The following INTS1 variants were observed in gnomAD, a reference collection of about 807,000 sequenced individuals.
INTS1 encodes the protein integrator complex subunit 1.
A neutral mutation model predicts 241.6 loss-of-function variants in INTS1; 137 were observed. The ratio of observed to expected loss-of-function variants is 0.57; its 90% CI spans 0.49 to 0.65. The LOEUF (loss-of-function observed/expected upper bound fraction) is 0.65. INTS1 is among the 30% of genes least tolerant of loss of function. INTS1 has a pLI of 0.00. For synonymous variants in INTS1, 1,692 were observed against 1,337.8 expected, an observed-to-expected ratio of 1.26 and a Z score of -5.78; for missense variants, 3,073 against 3,032.2, an observed-to-expected ratio of 1.01 and a Z score of -0.32.
At chr7:1,488,069 C>T in intron 18 of INTS1, 112 bp from the exon 19 acceptor site, 11 of 1,137,346 alleles carry the variant, frequency 9.7e-6, no homozygotes, top group Non-Finnish European at 1.4e-5. Flanking sequence ...GCTGCCTCTG[C>T]TGCACAGCAG....
rs1050653415 is a variant in INTS1 at position 1,487,402 on chromosome 7, C to T, written c.2564G>A (p.Ser855Asn). ...PPPHILDQVK[S>N]LNQSLRLGHL... The stretch of plus-strand genomic sequence containing the variant: ...CCCGAGGCGGAGGGACTGGTTGAGG[C>T]TTTTCACTTGATCCAGGATGTGAGG... The change falls in exon 20 of 48, where the codon AGC becomes AAC. Residue 855 changes from serine to asparagine, a missense_variant. By Grantham distance (46) the Ser-to-Asn change is conservative. Coordinates refer to ENST00000404767, the MANE Select transcript of INTS1 (RefSeq NM_001080453.3). 2.5e-6 allele frequency: 4 copies of T among 1,612,000 alleles called. No individual in the cohort carries two copies. Among genetic ancestry groups the T allele is most frequent in the East Asian group, 2.2e-5 (1 of 44,876 alleles).
At chr7:1,502,880 G>A in intron 3 of INTS1, 21 bp downstream of exon 3, 1 of 1,612,964 alleles carries the variant, frequency 6.2e-7, no homozygotes, top group Non-Finnish European at 8.5e-7. Flanking sequence ...TGTTCTCGGG[G>A]GATGTCCACA....
intron 27 of INTS1, 114 bp downstream of exon 27, chr7:1,482,432 C>T (rs1463742134): frequency 1.1e-5 from 12 of 1,045,950 alleles, no homozygotes; most frequent in South Asian, 6.6e-5. Context: ...TGAGGCTACC[C>T]GGCCAGTCTT....
In INTS1 at chr7:1,496,158, CTCT is replaced by C. The variant is rs1562516366; in HGVS notation, c.1706_1708del (p.Lys569del). Reference sequence around the variant, plus strand: ...CCAGGCCACCCCCACATCCTTACTCCTCTTTTCTCCTTTGTCCCAGGCGATGCC... The same window carrying C: ...CCAGGCCACCCCCACATCCTTACTCCTTTCTCCTTTGTCCCAGGCGATGCC... On this transcript the variant is annotated inframe_deletion, in exon 12 of 48. Transcript: ENST00000404767. 2 of 1,613,472 alleles carry C rather than the reference CTCT, an allele frequency of 1.2e-6. No individual in the cohort carries two copies. The highest frequency in any genetic ancestry group is 1.7e-6 in the Non-Finnish European group (2 of 1,179,452).
Position 1,499,898 on chromosome 7 carries a change from C to T in INTS1, c.670G>A (p.Glu224Lys). 1 of 1,612,746 alleles carries T rather than the reference C, an allele frequency of 6.2e-7. No homozygotes were observed. Among genetic ancestry groups the T allele is most frequent in the Non-Finnish European group, 8.5e-7 (1 of 1,179,204 alleles). The change falls in exon 5 of 48, where the codon GAG (glutamate) becomes AAG (lysine). Residue 224 changes from glutamate to lysine, a missense_variant. Physicochemically the swap from Glu to Lys is moderately conservative, Grantham distance 56. Coordinates refer to ENST00000404767, the MANE Select transcript of INTS1 (RefSeq NM_001080453.3). Reference protein sequence around the residue: ...AAYEEDENWPEIFVKVYIEDS... With the variant: ...AAYEEDENWPKIFVKVYIEDS... ...AGGACGCTCACCTTGACAAAGATCT[C>T]GGGCCAGTTCTCGTCCTCCTCGTAG...
Position 1,474,314 on chromosome 7 carries a change from T to C in INTS1, c.5683A>G (p.Asn1895Asp). Residue 1895 changes from asparagine (N) to aspartate (D), a missense_variant, in exon 41 of 48, where the codon AAC becomes GAC. Transcript: ENST00000404767. The stretch of plus-strand genomic sequence containing the variant: ...TTCTGCTGCCGGAACTCCTGGAAGT[T>C]GAGGTGGGTGCGGCCGTGCAGGAGC... ...AALLHGRTHL[N>D]FQEFRQQNHL... 6.2e-7 allele frequency: 1 copy of C among 1,607,748 alleles called. No homozygotes were observed.
chr7:1,485,808 T>C (rs1429237450), intron 22 of INTS1, among the ~76,000 whole-genome samples: 1 of 152,156 alleles, frequency 6.6e-6, no homozygotes, highest in African/African-American at 2.4e-5. Context: ...ACTCATTTGA[T>C]TTTTACTTTT....
rs1482097454 is a variant in INTS1, at chr7:1,500,283, C to T, written c.433G>A (p.Ala145Thr). ...DDRIEGVLCGAVKQLKVTRAK... is the reference protein window; with the variant it reads ...DDRIEGVLCGTVKQLKVTRAK... ...CGGGTGACCTTCAGCTGCTTCACGG[C>T]CCCGCACAGCACGCCCTCGATCCTG... Residue 145 changes from alanine (A) to threonine (T), a missense_variant, in exon 4 of 48, where the codon GCC becomes ACC. By Grantham distance (58) the Ala-to-Thr change is moderately conservative. Coordinates refer to ENST00000404767, the MANE Select transcript of INTS1 (RefSeq NM_001080453.3). 6.3e-7 allele frequency: 1 copy of T among 1,597,026 alleles called. No homozygotes were observed. The highest frequency in any genetic ancestry group is 8.5e-7 in the Non-Finnish European group (1 of 1,171,342).
chr7:1,499,340 G>C lies in INTS1; in HGVS notation c.865C>G (p.Leu289Val). Residue 289 changes from leucine (L) to valine (V), a missense_variant, in exon 7 of 48, where the codon CTC becomes GTC. By Grantham distance (32) the Leu-to-Val change is conservative (BLOSUM62 1). Transcript: ENST00000404767. ...GTCTGGCTGTCCTCCTCCTCCGTGA[G>C]GGAGGGGTGTGGGCTGCTCCCTGCA... ...LGAGSSPHPSLTEEEDSQTEL... is the reference protein window; with the variant it reads ...LGAGSSPHPSVTEEEDSQTEL... The C allele has an allele frequency of 6.3e-7, 1 of 1,596,178 alleles. No homozygotes were observed. Among genetic ancestry groups the C allele is most frequent in the Non-Finnish European group, 8.5e-7 (1 of 1,171,020 alleles).
In INTS1 at chr7:1,481,207, G is replaced by T; in HGVS notation, c.3850+135C>A. 1 of 1,021,326 alleles carries T rather than the reference G, an allele frequency of 9.8e-7. No homozygotes were observed. Among genetic ancestry groups the T allele is most frequent in the Non-Finnish European group, 1.5e-6 (1 of 675,180 alleles). 63.3% of individuals were successfully genotyped at this position (1,021,326 alleles called of 1,614,324 possible). On this transcript the variant is annotated intron_variant, in intron 28 of 47. Coordinates refer to ENST00000404767, the MANE Select transcript of INTS1 (RefSeq NM_001080453.3). The surrounding 1 kb of genome is among the most constrained non-coding windows in gnomAD (Gnocchi z 6.8). Reference sequence around the variant, plus strand: ...CAGCCTCACCAACCCACAGGTCTAAGCCTGCCCTCGAGTGCCACCCACACC... The same window carrying T: ...CAGCCTCACCAACCCACAGGTCTAATCCTGCCCTCGAGTGCCACCCACACC...
intron 18 of INTS1, 62 bp from the exon 19 acceptor site, chr7:1,488,019 CACG>C: frequency 1.9e-6 from 3 of 1,561,482 alleles, no homozygotes; most frequent in Non-Finnish European, 2.6e-6. Flanking sequence ...CCCAGTGGGC[CACG>C]CTCAGGGTCA....
chr7:1,479,668 G>C lies in INTS1; in HGVS notation c.4091C>G (p.Pro1364Arg). The C allele has an allele frequency of 1.4e-6, 2 of 1,471,460 alleles. No individual in the cohort carries two copies. Among genetic ancestry groups the C allele is most frequent in the East Asian group, 2.5e-5 (1 of 39,552 alleles). The allele number at this position is 1,471,460 out of a possible 1,614,324, so 91.2% of individuals were successfully genotyped here. ...GMFLQIFPLS[P>R]DPRWQSSSPR... ...ACTGGAGCTCTGCCACCGAGGGTCC[G>C]GGCTGAGCGGGAAAATCTGGAACGG... The change falls in exon 31 of 48, where the codon CCG (proline) becomes CGG (arginine). Residue 1364 changes from proline to arginine, a missense_variant. By Grantham distance (103) the Pro-to-Arg change is moderately radical. Coordinates refer to ENST00000404767, the MANE Select transcript of INTS1 (RefSeq NM_001080453.3).
chr7:1,488,031 CA>C, intron 18 of INTS1, 74 bp from the exon 19 acceptor site: 1 of 1,510,252 alleles, frequency 6.6e-7, no homozygotes, highest in Non-Finnish European at 9.2e-7. Context: ...CGCTCAGGGT[CA>C]AGGAGGGTAA....
intron 41 of INTS1, 27 bp downstream of exon 41, chr7:1,474,141 G>A (rs368798296): frequency 1.1e-4 from 168 of 1,537,706 alleles, no homozygotes; most frequent in Admixed American, 2.0e-4. Flanking sequence ...GGAAGGGAGC[G>A]CGAGGGCGGG....
chr7:1,493,013 G>A lies in INTS1; in HGVS notation c.2162C>T (p.Pro721Leu), dbSNP rs745998142. Residue 721 changes from proline (P) to leucine (L), a missense_variant, in exon 16 of 48, where the codon CCG (proline) becomes CTG (leucine). Transcript: ENST00000404767. The surrounding 1 kb of genome is among the most constrained non-coding windows in gnomAD (Gnocchi z 5.3). ...GGGGAGCGGGGCGTGGGCTTACCCC[G>A]GTGGGAGCTGGATGTTTTCAGGGTG... is the stretch of plus-strand genomic sequence containing the variant. ...YHHPENIQLP[P>L]GYQPPNLAIS... 3.6e-5 allele frequency: 58 copies of A among 1,611,948 alleles called. No individual in the cohort carries two copies. Among genetic ancestry groups the A allele is most frequent in the Middle Eastern group, 1.7e-4 (1 of 6,056 alleles).
intron 3 of INTS1, chr7:1,500,975 A>C (rs1179323258): frequency 6.6e-6 from 1 of 152,200 alleles, no homozygotes; most frequent in Non-Finnish European, 1.5e-5. Flanking sequence ...ACAGTTTTTT[A>C]GGACTGTGTT....
At chr7:1,490,388 C>A (rs1562508393) in intron 16 of INTS1, among the ~76,000 whole-genome samples, 1 of 152,100 alleles carries the variant, frequency 6.6e-6, no homozygotes, top group African/African-American at 2.4e-5. Flanking sequence ...AAGGGACACC[C>A]CTGAAAGGGT....
chr7:1,475,322 C>T (rs1781661056), intron 39 of INTS1, among the ~76,000 whole-genome samples: 1 of 152,094 alleles, frequency 6.6e-6, no homozygotes, highest in South Asian at 2.1e-4. Context: ...GGGGTTGAGG[C>T]TGCAGTGAGC....
chr7:1,494,023 C>T, intron 14 of INTS1, 112 bp from the exon 15 acceptor site: 2 of 1,303,384 alleles, frequency 1.5e-6, no homozygotes, highest in Non-Finnish European at 2.1e-6. Context: ...TGGCAGAGGG[C>T]TGCTGCTGCC....
Sources: gnomAD v4.1 joint callset for allele counts (sites outside exome capture counted in the v4.1 genomes callset) on GRCh38, gnomAD v4.1.1 for gene constraint, Gnocchi (gnomAD v3.1) non-coding constraint, MANE v1.5 for transcripts, NCBI Gene and HGNC (gene_info 2026-07-23, HGNC 2026-07-21) for gene names.